Variants in ANKRD30B observed in about 807,000 individuals in gnomAD.
ANKRD30B encodes ankyrin repeat domain-containing protein 30B.
ANKRD30B carries 144 observed loss-of-function variants against 202.2 expected under a neutral mutation model. The ratio of observed to expected loss-of-function variants is 0.71; its 90% CI spans 0.62 to 0.82. ANKRD30B has a LOEUF of 0.82. ANKRD30B is among the 40% of genes least tolerant of loss of function. ANKRD30B has a pLI of 0.00. For missense variants in ANKRD30B, 1,487 were observed against 1,669.1 expected (o/e 0.89, Z 1.90); for synonymous variants, 508 against 561.3 (o/e 0.91, Z 1.34).
intron 7 of ANKRD30B, among the ~76,000 whole-genome samples, chr18:14,768,122 G>A (rs1252197420): frequency 3.9e-5 from 6 of 152,144 alleles, no homozygotes; most frequent in Admixed American, 3.9e-4. Flanking sequence ...CTCCTAGGAG[G>A]TGAAGATTAG....
chr18:14,896,434 C>T, the ANKRD30B span, among the ~76,000 whole-genome samples: 1 of 151,898 alleles, frequency 6.6e-6, no homozygotes, highest in Non-Finnish European at 1.5e-5. Context: ...CCCGGCCTAT[C>T]TGCTCAATTA....
chr18:14,799,215 C>A lies in ANKRD30B; in HGVS notation c.2059-8C>A, dbSNP rs779207296. ...TATGTTAATTTTTGTGTTTCCAAACCCATTTAGCCTACCTGTGGAAGGAAA... is the reference window on the plus strand; with the variant it reads ...TATGTTAATTTTTGTGTTTCCAAACACATTTAGCCTACCTGTGGAAGGAAA... On this transcript the variant is annotated splice_polypyrimidine_tract_variant and splice_region_variant and intron_variant, in intron 21 of 43. Coordinates refer to ENST00000690538, the MANE Select transcript of ANKRD30B (RefSeq NM_001367607.2). 14 of 1,579,680 alleles carry A rather than the reference C, an allele frequency of 8.9e-6. No homozygotes were observed. The African/African-American group carries it at 1.4e-4, about 16-fold the overall frequency.
At chr18:14,870,823 G>A in the ANKRD30B span, among the ~76,000 whole-genome samples, 6 of 152,156 alleles carry the variant, frequency 3.9e-5, no homozygotes, top group East Asian at 9.7e-4. Flanking sequence ...GCTCTGGTCC[G>A]CTTCCTTGGC....
At chr18:14,833,175 T>C (rs1379467672) in intron 34 of ANKRD30B, among the ~76,000 whole-genome samples, 12 of 151,840 alleles carry the variant, frequency 7.9e-5, no homozygotes, top group Non-Finnish European at 1.3e-4. Flanking sequence ...CACCTCGTGA[T>C]CTGCCCTCCT....
chr18:14,792,200 G>T (rs925846727), intron 16 of ANKRD30B, among the ~76,000 whole-genome samples: 1 of 152,196 alleles, frequency 6.6e-6, no homozygotes, highest in Non-Finnish European at 1.5e-5. Flanking sequence ...TTAGTAAGTT[G>T]TCAGGTGATG....
chr18:14,931,512 AG>A, the ANKRD30B span, among the ~76,000 whole-genome samples: 11 of 152,304 alleles, frequency 7.2e-5, no homozygotes, highest in East Asian at 1.9e-3. Flanking sequence ...CTGTTTCAGC[AG>A]GCATCCCCCT....
At chr18:14,822,302 A>G (rs1333196212) in intron 30 of ANKRD30B, among the ~76,000 whole-genome samples, 181 bp from the exon 31 acceptor site, 1 of 151,826 alleles carries the variant, frequency 6.6e-6, no homozygotes, top group Non-Finnish European at 1.5e-5. Flanking sequence ...AAATTTTCTT[A>G]GGTATATTTC....
chr18:14,826,687 T>A (rs62086445), intron 32 of ANKRD30B, among the ~76,000 whole-genome samples: 1 of 22,782 alleles, frequency 4.4e-5, no homozygotes, highest in East Asian at 3.8e-3. Context: ...CCTCTCTCTC[T>A]CTCTCTCACA....
the ANKRD30B span, among the ~76,000 whole-genome samples, chr18:14,865,299 T>G: frequency 0.12 from 18,639 of 150,562 alleles, 1,199 homozygotes; most frequent in East Asian, 0.26. Flanking sequence ...CACTGTCTTT[T>G]CACAAAACCT....
the ANKRD30B span, among the ~76,000 whole-genome samples, chr18:14,908,963 A>G: frequency 6.6e-6 from 1 of 152,330 alleles, no homozygotes; most frequent in African/African-American, 2.4e-5. Context: ...CCATAGATGG[A>G]CAATGGCCAA....
At chr18:14,750,760 G>A (rs1178276195) in intron 1 of ANKRD30B, among the ~76,000 whole-genome samples, 2 of 152,202 alleles carry the variant, frequency 1.3e-5, no homozygotes, top group East Asian at 3.9e-4. Context: ...ATATACGGAA[G>A]TATGTTGACA....
chr18:14,806,084 G>C lies in ANKRD30B; in HGVS notation c.2284+2260G>C, dbSNP rs1201729163. Reference sequence around the variant, plus strand: ...AAATACAAAAAATTAGCCGGGCGTGGCGGTGGGTGCCTGTAGTCCCAGCCA... The same window carrying C: ...AAATACAAAAAATTAGCCGGGCGTGCCGGTGGGTGCCTGTAGTCCCAGCCA... On this transcript the variant is annotated intron_variant, in intron 24 of 43. Transcript: ENST00000690538. Among the ~76,000 whole-genome samples the C allele has an allele frequency of 2.0e-5, 3 of 149,822 alleles. 1 individual carries two copies. The highest frequency in any genetic ancestry group is 7.4e-5 in the African/African-American group (3 of 40,414).
intron 11 of ANKRD30B, among the ~76,000 whole-genome samples, chr18:14,780,279 G>A (rs1231154358): frequency 6.6e-6 from 1 of 151,860 alleles, no homozygotes; most frequent in Non-Finnish European, 1.5e-5. Flanking sequence ...AACCCTGTCT[G>A]TACTAAAAAT....
intron 7 of ANKRD30B, among the ~76,000 whole-genome samples, chr18:14,766,472 CAAAAAAAAAAAA>C (rs1168681924): frequency 1.2e-3 from 69 of 55,608 alleles, no homozygotes; most frequent in Non-Finnish European, 2.0e-3. Context: ...GACTCCATCT[CAAAAAAAAAAAA>C]AAAAAAAAAA....
intron 11 of ANKRD30B, among the ~76,000 whole-genome samples, chr18:14,781,665 C>T (rs1043918565): frequency 1.4e-4 from 7 of 50,950 alleles, no homozygotes; most frequent in African/African-American, 4.8e-4. Flanking sequence ...CCCTTGCAGA[C>T]CCCTGACCCA....
chr18:14,793,586 T>A (rs1025127827), intron 16 of ANKRD30B, among the ~76,000 whole-genome samples: 1 of 152,022 alleles, frequency 6.6e-6, no homozygotes, highest in African/African-American at 2.4e-5. Flanking sequence ...AGCGATTAGC[T>A]TGTTTTTCAT....
At chr18:14,861,344 A>C in the ANKRD30B span, among the ~76,000 whole-genome samples, 1 of 152,242 alleles carries the variant, frequency 6.6e-6, no homozygotes, top group Non-Finnish European at 1.5e-5. Context: ...CTGGATAAAA[A>C]AAAGAAGACA....
the ANKRD30B span, among the ~76,000 whole-genome samples, chr18:14,879,514 A>G: frequency 6.6e-6 from 1 of 152,202 alleles, no homozygotes; most frequent in African/African-American, 2.4e-5. Context: ...CAACATTGAC[A>G]TAGTCAATAC....
At chr18:14,789,867 G>T (rs973713407) in intron 15 of ANKRD30B, among the ~76,000 whole-genome samples, 7 of 152,094 alleles carry the variant, frequency 4.6e-5, no homozygotes, top group Admixed American at 2.0e-4. Flanking sequence ...TTGACTTGGA[G>T]ATGCAGGCTC....
Sources: allele counts gnomAD v4.1 joint callset (sites outside exome capture counted in the v4.1 genomes callset), GRCh38; gene constraint gnomAD v4.1.1; transcripts MANE v1.5; gene names NCBI Gene and HGNC (gene_info 2026-07-23, HGNC 2026-07-21).